The following CCDC3 variants were observed in gnomAD, a reference collection of about 807,000 sequenced individuals.
CCDC3 encodes coiled-coil domain containing 3, also known as coiled-coil domain-containing protein 3.
CCDC3 carries 24 observed loss-of-function variants against 21.4 expected under a neutral mutation model. The ratio of observed to expected loss-of-function variants is 1.12; its 90% CI spans 0.81 to 1.58. CCDC3 has a LOEUF of 1.58. CCDC3 is among the 40% of genes most tolerant of loss of function. The probability of loss-of-function intolerance (pLI) is 0.00; values close to 1 mark genes in which losing one functional copy is unlikely to be tolerated. For synonymous variants in CCDC3, 186 were observed against 166.0 expected, an observed-to-expected ratio of 1.12 and a Z score of -0.93; for missense variants, 425 against 360.9, an observed-to-expected ratio of 1.18 and a Z score of -1.44.
intron 2 of CCDC3, among the ~76,000 whole-genome samples, chr10:12,952,308 TTA>T (rs1195703267): frequency 1.9e-4 from 29 of 152,224 alleles, no homozygotes; most frequent in African/African-American, 7.0e-4. Flanking sequence ...CAGCAAATCA[TTA>T]TGACTTGATG....
chr10:12,982,214 G>C (rs533664210), intron 2 of CCDC3, among the ~76,000 whole-genome samples: 15 of 150,684 alleles, frequency 1.0e-4, no homozygotes, highest in Non-Finnish European at 4.4e-5. Context: ...AGGACCTTGA[G>C]GACATTAAGC....
chr10:13,023,526 ATT>A (rs1364302657), intron 5 of CCDC3, among the ~76,000 whole-genome samples: 1 of 152,072 alleles, frequency 6.6e-6, no homozygotes, highest in Non-Finnish European at 1.5e-5. Flanking sequence ...GTGTGCAAGT[ATT>A]TATCAAGTCT....
intron 4 of CCDC3, among the ~76,000 whole-genome samples, chr10:13,066,731 C>T (rs1428126283): frequency 6.6e-6 from 1 of 152,192 alleles, no homozygotes; most frequent in Non-Finnish European, 1.5e-5. Context: ...AGCCTGCCCA[C>T]ACGTGCACTG....
chr10:13,048,339 G>T (rs565173), intron 5 of CCDC3, among the ~76,000 whole-genome samples: 17 of 151,858 alleles, frequency 1.1e-4, no homozygotes, highest in African/African-American at 4.1e-4. Context: ...CTACAGGTGC[G>T]CACCACCACA....
chr10:12,966,266 A>T (rs1295347006), intron 2 of CCDC3, among the ~76,000 whole-genome samples: 1 of 151,880 alleles, frequency 6.6e-6, no homozygotes, highest in African/African-American at 2.4e-5. Flanking sequence ...AGCCTTACTC[A>T]TATTACTATA....
At chr10:12,949,450 G>A (rs558969328) in intron 2 of CCDC3, among the ~76,000 whole-genome samples, 5 of 152,196 alleles carry the variant, frequency 3.3e-5, no homozygotes, top group East Asian at 1.9e-4. Flanking sequence ...ACTTAGCCAC[G>A]GAGGCCATGC....
chr10:12,969,831 T>C lies in CCDC3; in HGVS notation c.549+28507A>G, dbSNP rs568547729. ...ACATGGATGAACCTGGAGGAAATTA[T>C]GTTAAGTGAACTAAACCAGTCACAG... On this transcript the variant is annotated intron_variant, in intron 2 of 2. Transcript: ENST00000378825. Among the ~76,000 whole-genome samples the C allele has an allele frequency of 1.1e-4, 17 of 151,772 alleles. No homozygotes were observed. The South Asian group carries it at 3.5e-3, about 31-fold the overall frequency.
intron 3 of CCDC3, chr10:13,074,209 G>A (rs996053239): frequency 7.0e-6 from 1 of 143,316 alleles, no homozygotes; most frequent in South Asian, 2.2e-4. Context: ...CCAGGCTGGA[G>A]TGCAATGGCG....
chr10:13,006,727 G>T (rs1258643504), intron 5 of CCDC3, among the ~76,000 whole-genome samples: 1 of 152,138 alleles, frequency 6.6e-6, no homozygotes, highest in Admixed American at 6.5e-5. Flanking sequence ...ATGTGGCAAT[G>T]GTGCAGGGTC....
chr10:12,933,907 C>T (rs1251009), intron 2 of CCDC3, among the ~76,000 whole-genome samples: 122,820 of 152,068 alleles, frequency 0.81, 49,826 homozygotes, highest in East Asian at 1. Context: ...AGAATCAGCT[C>T]TTTTGATTAT....
At chr10:13,018,530 G>A (rs1230123829) in intron 5 of CCDC3, among the ~76,000 whole-genome samples, 1 of 152,160 alleles carries the variant, frequency 6.6e-6, no homozygotes, top group Non-Finnish European at 1.5e-5. Flanking sequence ...AAGCTGCACA[G>A]GGGACTTAAA....
At chr10:12,901,362 CG>C (rs1338196216) in intron 2 of CCDC3, among the ~76,000 whole-genome samples, 6 of 152,082 alleles carry the variant, frequency 3.9e-5, no homozygotes, top group African/African-American at 1.4e-4. Flanking sequence ...CTCCACCTCA[CG>C]GGTTCAAGCG....
intron 2 of CCDC3, among the ~76,000 whole-genome samples, chr10:12,978,165 T>A (rs552098109): frequency 1.3e-5 from 2 of 152,256 alleles, no homozygotes; most frequent in East Asian, 3.9e-4. Context: ...ACTATAGGCA[T>A]GTGCCACCAC....
At chr10:13,079,133 A>C (rs573483287) in intron 3 of CCDC3, among the ~76,000 whole-genome samples, 17 of 152,316 alleles carry the variant, frequency 1.1e-4, no homozygotes, top group African/African-American at 3.6e-4. Flanking sequence ...TTTTGTCTAA[A>C]TGCTGATTTT....
At chr10:13,012,073 A>G (rs12354467) in intron 5 of CCDC3, among the ~76,000 whole-genome samples, 22,863 of 152,170 alleles carry the variant, frequency 0.15, 1,980 homozygotes, top group Admixed American at 0.23. Flanking sequence ...ACCTAAATAT[A>G]AAACCTAAAA....
At chr10:13,014,466 A>G (rs1397269018) in intron 5 of CCDC3, among the ~76,000 whole-genome samples, 18 of 50,252 alleles carry the variant, frequency 3.6e-4, no homozygotes, top group African/African-American at 7.3e-4. Context: ...AAGAAAAAAA[A>G]AAAAGAAAAA....
intron 2 of CCDC3, among the ~76,000 whole-genome samples, chr10:12,923,949 A>G (rs1281829269): frequency 1.3e-5 from 2 of 152,206 alleles, no homozygotes; most frequent in Non-Finnish European, 2.9e-5. Context: ...ACACTTTGCA[A>G]TGAAGCCAGG....
intron 3 of CCDC3, among the ~76,000 whole-genome samples, chr10:13,079,088 T>G (rs1159601688): frequency 1.3e-5 from 2 of 152,356 alleles, no homozygotes; most frequent in East Asian, 1.9e-4. Context: ...GAGCACCCTT[T>G]CTGCAGAAAG....
chr10:13,068,660 G>A (rs770045837), intron 4 of CCDC3, among the ~76,000 whole-genome samples: 1 of 152,152 alleles, frequency 6.6e-6, no homozygotes, highest in Non-Finnish European at 1.5e-5. Flanking sequence ...CAGACATATG[G>A]AATAAACCAC....
Sources: gnomAD v4.1 joint callset for allele counts (sites outside exome capture counted in the v4.1 genomes callset) on GRCh38, gnomAD v4.1.1 for gene constraint, MANE v1.5 for transcripts, NCBI Gene and HGNC (gene_info 2026-07-23, HGNC 2026-07-21) for gene names.